Variants in CAMKMT observed in about 807,000 individuals in gnomAD.
The protein encoded by CAMKMT is CaM KMT.
Under a neutral mutation model 48.0 loss-of-function variants are expected in CAMKMT, and 53 were observed. The ratio of observed to expected loss-of-function variants is 1.10; its 90% CI spans 0.89 to 1.39. The LOEUF (loss-of-function observed/expected upper bound fraction) is 1.39. Ranked by LOEUF, CAMKMT falls within the 40% of genes most tolerant of loss-of-function variation. CAMKMT has a pLI of 0.00. For synonymous variants in CAMKMT, 165 were observed against 152.3 expected, an observed-to-expected ratio of 1.08 and a Z score of -0.61; for missense variants, 428 against 402.7, an observed-to-expected ratio of 1.06 and a Z score of -0.54.
At chr2:44,569,328 G>A (rs1470962812) in intron 3 of CAMKMT, among the ~76,000 whole-genome samples, 2 of 152,150 alleles carry the variant, frequency 1.3e-5, no homozygotes, top group Non-Finnish European at 2.9e-5. Context: ...GCTTCTTACA[G>A]GGTATTATAC....
intron 3 of CAMKMT, among the ~76,000 whole-genome samples, chr2:44,551,069 A>C (rs1667689364): frequency 1.3e-5 from 2 of 152,160 alleles, no homozygotes; most frequent in Non-Finnish European, 2.9e-5. Context: ...CTACCTAGCC[A>C]CATAATTCCA....
At chr2:44,716,351 G>T (rs1013071828) in intron 7 of CAMKMT, among the ~76,000 whole-genome samples, 1 of 152,130 alleles carries the variant, frequency 6.6e-6, no homozygotes, top group Admixed American at 6.5e-5. Flanking sequence ...CCGGCAGCCA[G>T]TGATCTTGGT....
At chr2:44,577,981 C>T (rs1048411369) in intron 3 of CAMKMT, among the ~76,000 whole-genome samples, 1 of 152,178 alleles carries the variant, frequency 6.6e-6, no homozygotes, top group Non-Finnish European at 1.5e-5. Flanking sequence ...ATAAAAGCAT[C>T]TTGCTTTGGC....
chr2:44,760,560 G>A (rs1680575029), intron 9 of CAMKMT, among the ~76,000 whole-genome samples: 1 of 149,338 alleles, frequency 6.7e-6, no homozygotes. Flanking sequence ...GCAGTGAGCG[G>A]AGATTGCACC....
intron 3 of CAMKMT, among the ~76,000 whole-genome samples, chr2:44,512,554 T>C (rs1372297831): frequency 1.3e-5 from 2 of 152,234 alleles, no homozygotes; most frequent in African/African-American, 4.8e-5. Flanking sequence ...TACCCTTTCA[T>C]TGTTGCTAGC....
At chr2:44,474,679 C>G (rs368808306) in intron 3 of CAMKMT, among the ~76,000 whole-genome samples, 7 of 152,284 alleles carry the variant, frequency 4.6e-5, no homozygotes, top group African/African-American at 1.7e-4. Context: ...TCAAATTCAG[C>G]AAACAACTGT....
chr2:44,362,022 C>T lies in CAMKMT; in HGVS notation c.15C>T (p.Val5=), dbSNP rs1357323446. 2 of 1,414,596 alleles carry T rather than the reference C, an allele frequency of 1.4e-6. No individual in the cohort carries two copies. Among genetic ancestry groups the T allele is most frequent in the South Asian group, 1.5e-5 (1 of 65,892 alleles). The allele number at this position is 1,414,596 out of a possible 1,614,324, so 87.6% of individuals were successfully genotyped here. A position where few individuals can be genotyped will look rare whatever the true frequency, so the allele number is the denominator to read the frequency against. The part of the protein sequence containing the change: MESR[V]ADAGTGETAR... ...GCTCCAGTGAGATGGAGTCGCGAGT[C>T]GCGGACGCTGGGACCGGCGAGACCG... The change falls in exon 1 of 11, where the codon GTC becomes GTT. Residue 5 remains valine, a synonymous_variant. Transcript: ENST00000378494.
chr2:44,742,821 C>T (rs1462308445), intron 7 of CAMKMT, among the ~76,000 whole-genome samples: 6 of 151,982 alleles, frequency 3.9e-5, no homozygotes, highest in African/African-American at 1.2e-4. Context: ...ATGTTCAATC[C>T]GGTTAGGTTT....
intron 3 of CAMKMT, chr2:44,631,484 T>G (rs930131794): frequency 1.6e-6 from 1 of 610,540 alleles, no homozygotes. Flanking sequence ...TTATTTTTTT[T>G]GTACAGATGA....
At chr2:44,461,758 C>G (rs540265165) in intron 3 of CAMKMT, among the ~76,000 whole-genome samples, 99 of 152,022 alleles carry the variant, frequency 6.5e-4, no homozygotes, top group African/African-American at 2.3e-3. Flanking sequence ...TTTCTGGTGC[C>G]CTAAATTAGT....
In CAMKMT at chr2:44,372,880, C is replaced by T; in HGVS notation, c.303C>T (p.Ile101=). 6.2e-7 allele frequency: 1 copy of T among 1,609,420 alleles called. No individual in the cohort carries two copies. Among genetic ancestry groups the T allele is most frequent in the Non-Finnish European group, 8.5e-7 (1 of 1,178,548 alleles). Reference sequence around the variant, plus strand: ...GCATCTTCTGTCCTGAATACAGTATCTCCTTAAGGTAACCATTATTCTAGT... The same window carrying T: ...GCATCTTCTGTCCTGAATACAGTATTTCCTTAAGGTAACCATTATTCTAGT... The part of the protein sequence containing the change: ...YTSIFCPEYS[I]SLRHNSGSLN... Residue 101 remains isoleucine, a synonymous_variant, in exon 2 of 11, where the codon ATC becomes ATT. Transcript: ENST00000378494.
intron 3 of CAMKMT, among the ~76,000 whole-genome samples, chr2:44,681,750 C>G (rs1271397564): frequency 6.6e-6 from 1 of 152,066 alleles, no homozygotes; most frequent in Non-Finnish European, 1.5e-5. Context: ...TGTGCAAAGT[C>G]TTGATGATTT....
intron 3 of CAMKMT, among the ~76,000 whole-genome samples, chr2:44,512,925 A>G (rs1206285418): frequency 6.6e-6 from 1 of 152,208 alleles, no homozygotes; most frequent in Admixed American, 6.5e-5. Context: ...CCCCATCTGT[A>G]TGGATGAAGC....
intron 2 of CAMKMT, 40 bp from the exon 3 acceptor site, chr2:44,390,201 A>T: frequency 6.6e-7 from 1 of 1,525,120 alleles, no homozygotes; most frequent in Non-Finnish European, 9.0e-7. Context: ...AAATGTTAAC[A>T]TTTCAGAATC....
intron 3 of CAMKMT, among the ~76,000 whole-genome samples, chr2:44,567,219 A>G (rs1022344996): frequency 6.6e-6 from 1 of 152,118 alleles, no homozygotes. Context: ...GTGTTGGGTT[A>G]TCCAAATAAT....
At chr2:44,550,787 T>C (rs973048649) in intron 3 of CAMKMT, 1 of 152,224 alleles carries the variant, frequency 6.6e-6, no homozygotes, top group African/African-American at 2.4e-5. Flanking sequence ...AGTGATACAT[T>C]GTATCATACA....
intron 3 of CAMKMT, among the ~76,000 whole-genome samples, chr2:44,670,262 A>C (rs916168153): frequency 2.6e-5 from 4 of 152,152 alleles, no homozygotes; most frequent in African/African-American, 7.2e-5. Flanking sequence ...AAACTATTCC[A>C]TGTGGTTCCT....
intron 3 of CAMKMT, among the ~76,000 whole-genome samples, chr2:44,682,145 C>A (rs1353980232): frequency 6.6e-6 from 1 of 152,180 alleles, no homozygotes; most frequent in Admixed American, 6.5e-5. Context: ...TAGAAGAGAT[C>A]TAACTGTAAT....
intron 3 of CAMKMT, among the ~76,000 whole-genome samples, chr2:44,581,400 C>G (rs1442644507): frequency 6.6e-6 from 1 of 152,166 alleles, no homozygotes; most frequent in South Asian, 2.1e-4. Context: ...GGAATTAAAT[C>G]TGTTTCTTCT....
Sources: gnomAD v4.1 joint callset for allele counts (sites outside exome capture counted in the v4.1 genomes callset) on GRCh38, gnomAD v4.1.1 for gene constraint, MANE v1.5 for transcripts, NCBI Gene and HGNC (gene_info 2026-07-23, HGNC 2026-07-21) for gene names.